Variants in GALNT1 observed in about 807,000 individuals in gnomAD.
GALNT1 encodes the protein polypeptide N-acetylgalactosaminyltransferase 1, also known as GalNAc transferase 1.
In GALNT1, 17 loss-of-function variants were observed where a neutral mutation model predicts 65.7. The ratio of observed to expected loss-of-function variants is 0.26; its 90% CI spans 0.18 to 0.39. GALNT1 has a LOEUF of 0.39. GALNT1 is among the 10% of genes least tolerant of loss of function. The pLI, the probability that GALNT1 is intolerant of heterozygous loss-of-function variation, is 1.00. For synonymous variants in GALNT1, 210 were observed against 219.7 expected, an observed-to-expected ratio of 0.96 and a Z score of 0.39; for missense variants, 460 against 672.8, an observed-to-expected ratio of 0.68 and a Z score of 3.50.
At chr18:35,599,366 C>CCTTTT (rs61028491) in intron 1 of GALNT1, among the ~76,000 whole-genome samples, 3,132 of 122,590 alleles carry the variant, frequency 0.026, 96 homozygotes, top group African/African-American at 0.088. Context: ...GAGATTTACA[C>CCTTTT]TTTTTTTTTT....
At chr18:35,615,081 T>C in intron 1 of GALNT1, among the ~76,000 whole-genome samples, 1 of 152,154 alleles carries the variant, frequency 6.6e-6, no homozygotes, top group Non-Finnish European at 1.5e-5. Flanking sequence ...AGGGTATGGT[T>C]TTGTTTGTTT....
chr18:35,665,443 G>T (rs962939760), intron 3 of GALNT1, among the ~76,000 whole-genome samples: 1 of 152,088 alleles, frequency 6.6e-6, no homozygotes, highest in Non-Finnish European at 1.5e-5. Context: ...ATAGGGAAGA[G>T]AAAATTTATC....
At chr18:35,675,817 T>G (rs2047703452) in intron 3 of GALNT1, among the ~76,000 whole-genome samples, 1 of 152,316 alleles carries the variant, frequency 6.6e-6, no homozygotes, top group South Asian at 2.1e-4. Context: ...CATAATAAGA[T>G]TCAGCTAAGT....
At chr18:35,628,808 A>G (rs1360948190) in intron 1 of GALNT1, among the ~76,000 whole-genome samples, 1 of 152,232 alleles carries the variant, frequency 6.6e-6, no homozygotes, top group Non-Finnish European at 1.5e-5. Context: ...CAAAGAAGTT[A>G]AAAACCTTGA....
At chr18:35,704,389 A>G (rs867387206) in intron 11 of GALNT1, among the ~76,000 whole-genome samples, 1 of 150,946 alleles carries the variant, frequency 6.6e-6, no homozygotes, top group African/African-American at 2.4e-5. Context: ...AGCTCACACA[A>G]CCTCCACCTC....
At chr18:35,679,705 A>G (rs2047760820) in intron 4 of GALNT1, among the ~76,000 whole-genome samples, 1 of 151,936 alleles carries the variant, frequency 6.6e-6, no homozygotes, top group East Asian at 1.9e-4. Context: ...GGGAGACAGT[A>G]GATCTTTGTT....
At chr18:35,654,922 G>A in intron 2 of GALNT1, 121 bp downstream of exon 2, 1 of 631,300 alleles carries the variant, frequency 1.6e-6, no homozygotes, top group Non-Finnish European at 2.3e-6. Context: ...CTTCCTGTGG[G>A]AGATATGAGG....
At chr18:35,635,611 T>C (rs559352541) in intron 1 of GALNT1, among the ~76,000 whole-genome samples, 4 of 152,292 alleles carry the variant, frequency 2.6e-5, no homozygotes, top group Non-Finnish European at 5.9e-5. Flanking sequence ...TGAAATACTG[T>C]TGGATTTGTT....
At chr18:35,593,901 G>C (rs1192365443) in intron 1 of GALNT1, among the ~76,000 whole-genome samples, 1 of 151,868 alleles carries the variant, frequency 6.6e-6, no homozygotes, top group East Asian at 1.9e-4. Context: ...TAGTGACGGG[G>C]GTTTCATCAT....
intron 1 of GALNT1, among the ~76,000 whole-genome samples, chr18:35,634,675 C>G (rs994491537): frequency 6.6e-6 from 1 of 152,168 alleles, no homozygotes. Context: ...GTAGGCATCT[C>G]CTGCCTAACA....
intron 9 of GALNT1, among the ~76,000 whole-genome samples, chr18:35,702,359 G>T: frequency 6.6e-6 from 1 of 152,020 alleles, no homozygotes; most frequent in South Asian, 2.1e-4. Context: ...AATATCAAGG[G>T]GCATTACCTA....
chr18:35,689,607 T>G (rs1316899532), intron 7 of GALNT1, among the ~76,000 whole-genome samples: 2 of 152,160 alleles, frequency 1.3e-5, no homozygotes, highest in Non-Finnish European at 2.9e-5. Context: ...ACTTTGCTGC[T>G]TTACTCTCAA....
intron 3 of GALNT1, 122 bp from the exon 4 acceptor site, chr18:35,677,469 G>A (rs926973754): frequency 1.4e-5 from 8 of 582,612 alleles, no homozygotes; most frequent in Non-Finnish European, 2.3e-5. Context: ...AAATGAAAAG[G>A]TACCAAGGAT....
intron 1 of GALNT1, among the ~76,000 whole-genome samples, chr18:35,590,603 A>G (rs2046431849): frequency 1.3e-5 from 2 of 149,898 alleles, no homozygotes; most frequent in South Asian, 4.2e-4. Context: ...GACACATACT[A>G]AGTTATTGGA....
At chr18:35,668,438 GA>G (rs1007009279) in intron 3 of GALNT1, among the ~76,000 whole-genome samples, 1 of 151,960 alleles carries the variant, frequency 6.6e-6, no homozygotes, top group African/African-American at 2.4e-5. Context: ...AAGTTCTTTG[GA>G]AAAAAATCAA....
At chr18:35,673,873 AGACAATTTTGTCATTGT>A (rs1185376391) in intron 3 of GALNT1, among the ~76,000 whole-genome samples, 1 of 152,248 alleles carries the variant, frequency 6.6e-6, no homozygotes, top group Non-Finnish European at 1.5e-5. Flanking sequence ...ATAGGTCATT[AGACAATTTTGTCATTGT>A]GTAAACATTA....
intron 1 of GALNT1, among the ~76,000 whole-genome samples, chr18:35,608,835 T>C (rs537217942): frequency 6.6e-6 from 1 of 152,170 alleles, no homozygotes; most frequent in Non-Finnish European, 1.5e-5. Context: ...ATCTTCCAGC[T>C]CTCTTATTTC....
chr18:35,625,621 G>GTA (rs2046907308), intron 1 of GALNT1, among the ~76,000 whole-genome samples: 1 of 152,150 alleles, frequency 6.6e-6, no homozygotes, highest in Non-Finnish European at 1.5e-5. Flanking sequence ...AATTGGAGAG[G>GTA]TTGGTGTTGT....
intron 11 of GALNT1, among the ~76,000 whole-genome samples, chr18:35,706,409 G>A (rs1466985202): frequency 6.6e-6 from 1 of 152,104 alleles, no homozygotes; most frequent in East Asian, 1.9e-4. Context: ...GGCTGAGGCA[G>A]GAGAATGGCG....
Sources: gnomAD v4.1 joint callset for allele counts (sites outside exome capture counted in the v4.1 genomes callset) on GRCh38, gnomAD v4.1.1 for gene constraint, MANE v1.5 for transcripts, NCBI Gene and HGNC (gene_info 2026-07-23, HGNC 2026-07-21) for gene names.